The following KIAA0319 variants were observed in gnomAD, a reference collection of about 807,000 sequenced individuals.
KIAA0319 encodes the protein KIAA0319, also known as dyslexia-associated protein KIAA0319.
KIAA0319 carries 83 observed loss-of-function variants against 108.4 expected under a neutral mutation model. The ratio of observed to expected loss-of-function variants is 0.77; its 90% CI spans 0.64 to 0.92. The LOEUF (loss-of-function observed/expected upper bound fraction) is 0.92. Ranked by LOEUF, KIAA0319 falls within the 40% of genes least tolerant of loss-of-function variation. The pLI is 0.00. For missense variants in KIAA0319, 1,195 were observed against 1,322.4 expected (o/e 0.90, Z 1.49); for synonymous variants, 484 against 510.4 (o/e 0.95, Z 0.70).
chr6:24,569,372 C>T (rs1363945438), intron 12 of KIAA0319, among the ~76,000 whole-genome samples: 1 of 152,114 alleles, frequency 6.6e-6, no homozygotes, highest in African/African-American at 2.4e-5. Context: ...AAAAATACCT[C>T]AGTTTGGGTC....
At chr6:24,623,937 T>C (rs1364284745) in intron 1 of KIAA0319, among the ~76,000 whole-genome samples, 2 of 149,544 alleles carry the variant, frequency 1.3e-5, no homozygotes, top group Non-Finnish European at 3.0e-5. Context: ...CAAAAATCCA[T>C]AAAAGTTAAA....
intron 11 of KIAA0319, among the ~76,000 whole-genome samples, chr6:24,570,364 G>A (rs565132989): frequency 3.3e-4 from 50 of 152,122 alleles, no homozygotes; most frequent in Non-Finnish European, 5.0e-4. Flanking sequence ...CGAGGCGGGC[G>A]GATCACGAGG....
downstream of KIAA0319, among the ~76,000 whole-genome samples, chr6:24,543,727 C>T (rs117808421): frequency 3.5e-4 from 53 of 152,252 alleles, no homozygotes; most frequent in East Asian, 9.5e-3. Flanking sequence ...CTACCATGCC[C>T]GGCCCTCATT....
At chr6:24,603,036 C>G (rs1297270347) in intron 1 of KIAA0319, among the ~76,000 whole-genome samples, 1 of 152,160 alleles carries the variant, frequency 6.6e-6, no homozygotes, top group Non-Finnish European at 1.5e-5. Context: ...CAATCTCTTT[C>G]AATTTGTTTA....
At chr6:24,642,953 C>T (rs1777160130) in intron 1 of KIAA0319, among the ~76,000 whole-genome samples, 1 of 152,206 alleles carries the variant, frequency 6.6e-6, no homozygotes, top group Non-Finnish European at 1.5e-5. Flanking sequence ...GGTGATCCGT[C>T]CATTTCGGAC....
At chr6:24,543,676 C>G (rs537707998), downstream of KIAA0319, among the ~76,000 whole-genome samples, 1 of 152,208 alleles carries the variant, frequency 6.6e-6, no homozygotes, top group Admixed American at 6.5e-5. Context: ...AAGTGATCCA[C>G]CTGCCTTGGC....
At position 24,595,886 on chromosome 6, in the gene KIAA0319, CTGTTGCTGGAT is replaced by C. The variant is rs757905919; in HGVS notation, c.777_787del (p.Ser260LeufsTer11). ...GAACACACTCACCTCTTTTCCAGAG[CTGTTGCTGGAT>C]TGTTCCTGGAGCTGAGAAGCCTTTT... On this transcript the variant is annotated frameshift_variant, in exon 3 of 21. Coordinates refer to ENST00000378214, the MANE Select transcript of KIAA0319 (RefSeq NM_014809.4). LOFTEE classifies it high-confidence loss of function. The C allele has an allele frequency of 6.2e-7, 1 of 1,601,548 alleles. No homozygotes were observed. The highest frequency in any genetic ancestry group is 1.3e-5 in the African/African-American group (1 of 74,746).
chr6:24,574,681 T>G (rs116000841), intron 10 of KIAA0319, among the ~76,000 whole-genome samples: 1,892 of 152,284 alleles, frequency 0.012, 38 homozygotes, highest in African/African-American at 0.039. Context: ...TATAGATAAA[T>G]GTTTCTATGT....
At position 24,577,414 on chromosome 6, in the gene KIAA0319, C is replaced by T. The variant is rs557960188; in HGVS notation, c.1505+696G>A. Among the ~76,000 whole-genome samples the T allele has an allele frequency of 3.9e-5, 6 of 152,298 alleles. No homozygotes were observed. In the South Asian group the frequency reaches 1.2e-3, roughly 32 times the overall value. ...TGTTAGGATTAAGCACTTTCAAATG[C>T]GAACCAATGCTCAACCTCTGCAAAC... On this transcript the variant is annotated intron_variant, in intron 9 of 20. Transcript: ENST00000378214.
intron 2 of KIAA0319, chr6:24,598,895 T>TA (rs1000325479): frequency 8.3e-6 from 3 of 359,286 alleles, no homozygotes; most frequent in African/African-American, 6.3e-5. Flanking sequence ...AAATAAAAAG[T>TA]AAAAAAATAA....
intron 1 of KIAA0319, among the ~76,000 whole-genome samples, chr6:24,630,113 A>T (rs1420332511): frequency 6.6e-6 from 1 of 151,882 alleles, no homozygotes; most frequent in Non-Finnish European, 1.5e-5. Flanking sequence ...TGGGAGGTGG[A>T]GGTTGCCGTG....
chr6:24,557,087 C>T (rs1339765858), intron 17 of KIAA0319, among the ~76,000 whole-genome samples: 2 of 152,144 alleles, frequency 1.3e-5, no homozygotes, highest in African/African-American at 4.8e-5. Flanking sequence ...TGCCTGTAGT[C>T]CCAGCTACTC....
Position 24,580,991 on chromosome 6 carries a change from A to G in KIAA0319, c.1214T>C (p.Phe405Ser). Residue 405 changes from phenylalanine (F) to serine (S), a missense_variant, in exon 7 of 21, where the codon TTC (phenylalanine) becomes TCC (serine). Transcript: ENST00000378214. ...GTTTTCACTAGAAACAGTGACTTTG[A>G]AGACATAAAGTCCGACGGACAACTG... ...LSQLSVGLYV[F>S]KVTVSSENAF... 2.5e-6 allele frequency: 4 copies of G among 1,611,140 alleles called. No individual in the cohort carries two copies. Among genetic ancestry groups the G allele is most frequent in the Non-Finnish European group, 3.4e-6 (4 of 1,177,512 alleles).
intron 1 of KIAA0319, among the ~76,000 whole-genome samples, chr6:24,606,320 T>A (rs1359821465): frequency 6.6e-6 from 1 of 152,228 alleles, no homozygotes; most frequent in African/African-American, 2.4e-5. Context: ...CGATCATGCA[T>A]GACCCCTAGG....
At chr6:24,574,025 G>C (rs143489283) in intron 10 of KIAA0319, among the ~76,000 whole-genome samples, 1 of 152,142 alleles carries the variant, frequency 6.6e-6, no homozygotes, top group South Asian at 2.1e-4. Flanking sequence ...TGAGACAGAA[G>C]AATCACTTGA....
At position 24,559,055 on chromosome 6, in the gene KIAA0319, C is replaced by A. The variant is rs1293033535; in HGVS notation, c.2692G>T (p.Ala898Ser). ...AAGACCTTGAAAAGCAAGAAGTCAG[C>A]CTTCTCCTTTGAGAGCCGCATGTGC... ...NLHMRLSKEK[A>S]DFLLFKVLRV... Residue 898 changes from alanine to serine, a missense_variant, in exon 17 of 21, where the codon GCT becomes TCT. Ala to Ser is a moderately conservative substitution (Grantham distance 99). Coordinates refer to ENST00000378214, the MANE Select transcript of KIAA0319 (RefSeq NM_014809.4). 1.2e-6 allele frequency: 2 copies of A among 1,613,260 alleles called. No homozygotes were observed. Among genetic ancestry groups the A allele is most frequent in the East Asian group, 4.5e-5 (2 of 44,884 alleles).
chr6:24,579,523 TTA>T (rs201544433), intron 8 of KIAA0319, among the ~76,000 whole-genome samples: 51 of 145,672 alleles, frequency 3.5e-4, no homozygotes, highest in Admixed American at 2.6e-3. Flanking sequence ...CTTATATATC[TTA>T]TATATATATA....
chr6:24,553,331 ACACACG>A (rs1181485285), intron 19 of KIAA0319, among the ~76,000 whole-genome samples: 38 of 72,540 alleles, frequency 5.2e-4, no homozygotes, highest in African/African-American at 5.8e-4. Context: ...ACACACACAC[ACACACG>A]CACATATATA....
At chr6:24,644,772 C>G (rs1777403394) in intron 1 of KIAA0319, among the ~76,000 whole-genome samples, 1 of 152,164 alleles carries the variant, frequency 6.6e-6, no homozygotes, top group Non-Finnish European at 1.5e-5. Flanking sequence ...TTTTGCATTA[C>G]AAATGCAAAT....
Sources: gnomAD v4.1 joint callset for allele counts (sites outside exome capture counted in the v4.1 genomes callset) on GRCh38, gnomAD v4.1.1 for gene constraint, MANE v1.5 for transcripts, NCBI Gene and HGNC (gene_info 2026-07-23, HGNC 2026-07-21) for gene names.